ANKS1B: variants seen among roughly 807,000 people sequenced by gnomAD.
ANKS1B encodes ankyrin repeat and sterile alpha motif domain-containing protein 1B.
In ANKS1B, 36 loss-of-function variants were observed where a neutral mutation model predicts 148.3. The observed-to-expected ratio is 0.24, with a 90% CI of 0.19 to 0.32. ANKS1B has a LOEUF of 0.32. Ranked by LOEUF, ANKS1B falls within the 10% of genes least tolerant of loss-of-function variation. The pLI, the probability that ANKS1B is intolerant of heterozygous loss-of-function variation, is 1.00. For missense variants in ANKS1B, 1,157 were observed against 1,542.6 expected (o/e 0.75, Z 4.19); for synonymous variants, 542 against 560.8 (o/e 0.97, Z 0.47).
chr12:99,009,283 G>A (rs1240719875), intron 17 of ANKS1B, among the ~76,000 whole-genome samples: 1 of 151,892 alleles, frequency 6.6e-6, no homozygotes, highest in South Asian at 2.1e-4. Flanking sequence ...TCTTTCACTG[G>A]GGTCTTCAAA....
At chr12:99,578,818 C>T (rs931241174) in intron 9 of ANKS1B, among the ~76,000 whole-genome samples, 3 of 152,018 alleles carry the variant, frequency 2.0e-5, no homozygotes, top group Admixed American at 2.0e-4. Flanking sequence ...AAACTACCAA[C>T]ATCATTTTTC....
chr12:99,331,597 T>C (rs1211428031), intron 12 of ANKS1B, among the ~76,000 whole-genome samples: 2 of 152,048 alleles, frequency 1.3e-5, no homozygotes, highest in Non-Finnish European at 2.9e-5. Flanking sequence ...GAATGAGATC[T>C]GTACTTATCG....
chr12:99,827,444 A>G (rs1416495227), intron 1 of ANKS1B, among the ~76,000 whole-genome samples: 1 of 152,174 alleles, frequency 6.6e-6, no homozygotes. Context: ...TAGGATGAAC[A>G]AGTGTAGAGG....
chr12:98,911,631 A>G (rs1276271617), intron 17 of ANKS1B, among the ~76,000 whole-genome samples: 2 of 152,184 alleles, frequency 1.3e-5, no homozygotes, highest in African/African-American at 4.8e-5. Flanking sequence ...ATAATTCTCC[A>G]TAACGCTTCC....
chr12:99,492,273 T>A (rs1261825486), intron 10 of ANKS1B, among the ~76,000 whole-genome samples: 2 of 152,058 alleles, frequency 1.3e-5, no homozygotes, highest in African/African-American at 4.8e-5. Flanking sequence ...ACTATGAACA[T>A]CTCTATGCAC....
In ANKS1B at chr12:99,825,407, G is replaced by A. The variant is rs1383499376; in HGVS notation, c.135-18C>T. ...GCCAGATGCTGCAAATAAAGCACAAGCGCAGAGTTAACAGTGAAGCCAGAT... is the reference window on the plus strand; with the variant it reads ...GCCAGATGCTGCAAATAAAGCACAAACGCAGAGTTAACAGTGAAGCCAGAT... On this transcript the variant is annotated intron_variant, in intron 1 of 26. Coordinates refer to ENST00000683438, the MANE Select transcript of ANKS1B (RefSeq NM_001352186.2). The A allele has an allele frequency of 1.3e-6, 2 of 1,599,738 alleles. No individual in the cohort carries two copies. The highest frequency in any genetic ancestry group is 2.3e-5 in the East Asian group (1 of 44,430).
At chr12:98,803,900 T>C (rs191798728) in intron 20 of ANKS1B, among the ~76,000 whole-genome samples, 134 of 152,356 alleles carry the variant, frequency 8.8e-4, no homozygotes, top group Admixed American at 1.7e-3. Context: ...ATCCAAATAT[T>C]TACGTCATCC....
chr12:99,109,537 T>C (rs942810280), intron 15 of ANKS1B, among the ~76,000 whole-genome samples: 5 of 152,186 alleles, frequency 3.3e-5, no homozygotes, highest in Admixed American at 6.5e-5. Flanking sequence ...TGAAGAATAA[T>C]TTCTTCACCC....
intron 16 of ANKS1B, among the ~76,000 whole-genome samples, chr12:99,062,770 T>G (rs2153563643): frequency 6.6e-6 from 1 of 152,188 alleles, no homozygotes; most frequent in Admixed American, 6.5e-5. Context: ...GACTCAGGGT[T>G]GAGAAGGGTC....
chr12:99,154,726 C>T lies in ANKS1B; in HGVS notation c.2420-331G>A, dbSNP rs527358640. On this transcript the variant is annotated intron_variant, in intron 14 of 26. Transcript: ENST00000683438. ...CAAGCTGTCAGCTTGGGCTGGTCTGCGTTCTATGTGATTGTTGGAGTACTC... is the reference window on the plus strand; with the variant it reads ...CAAGCTGTCAGCTTGGGCTGGTCTGTGTTCTATGTGATTGTTGGAGTACTC... The T allele has an allele frequency of 1.6e-4, 232 of 1,439,608 alleles. 3 individuals carry two copies. The South Asian group carries it at 3.2e-3, about 20-fold the overall frequency. 89.2% of individuals were successfully genotyped at this position (1,439,608 alleles called of 1,614,324 possible). A position where few individuals can be genotyped will look rare whatever the true frequency, so the allele number is the denominator to read the frequency against.
chr12:99,267,891 A>C (rs1206834215), intron 12 of ANKS1B, among the ~76,000 whole-genome samples: 1 of 152,206 alleles, frequency 6.6e-6, no homozygotes, highest in Non-Finnish European at 1.5e-5. Flanking sequence ...GGCACAAGAA[A>C]ACTGAGTTGT....
At chr12:99,602,930 C>A (rs1187274667) in intron 9 of ANKS1B, among the ~76,000 whole-genome samples, 1 of 152,040 alleles carries the variant, frequency 6.6e-6, no homozygotes, top group African/African-American at 2.4e-5. Flanking sequence ...ATTTTTCTCT[C>A]TATACGCACT....
chr12:99,465,086 C>T (rs956471936), intron 10 of ANKS1B, among the ~76,000 whole-genome samples: 1 of 152,224 alleles, frequency 6.6e-6, no homozygotes, highest in East Asian at 1.9e-4. Flanking sequence ...AGACTAACAG[C>T]TGAACTCTCT....
At chr12:99,248,722 C>T (rs545988402) in intron 12 of ANKS1B, among the ~76,000 whole-genome samples, 3 of 152,180 alleles carry the variant, frequency 2.0e-5, no homozygotes, top group Non-Finnish European at 4.4e-5. Flanking sequence ...ACTTAAGACA[C>T]AGACATTTCC....
Position 99,486,938 on chromosome 12 carries a change from C to T in ANKS1B, c.1438+17538G>A, listed in dbSNP as rs138169834. 2.6e-3 allele frequency among the ~76,000 whole-genome samples: 389 copies of T among 152,216 alleles called. 1 individual carries two copies. The highest frequency in any genetic ancestry group is 9.1e-3 in the African/African-American group (377 of 41,520). ...TCAGAAAGGCTGTCTATTGTTGTACCCATGCTGAGTTCCCATGGGAGAAGC... is the reference window on the plus strand; with the variant it reads ...TCAGAAAGGCTGTCTATTGTTGTACTCATGCTGAGTTCCCATGGGAGAAGC... On this transcript the variant is annotated intron_variant, in intron 10 of 26. Transcript: ENST00000683438.
chr12:99,919,925 TCC>T (rs1422571518), intron 1 of ANKS1B, among the ~76,000 whole-genome samples: 1 of 152,180 alleles, frequency 6.6e-6, no homozygotes, highest in African/African-American at 2.4e-5. Flanking sequence ...TAACTTCATT[TCC>T]CTCTTTTTAC....
chr12:98,936,992 A>T (rs1288151936), intron 17 of ANKS1B, among the ~76,000 whole-genome samples: 1 of 152,090 alleles, frequency 6.6e-6, no homozygotes, highest in Non-Finnish European at 1.5e-5. Flanking sequence ...CCAGTGAGTT[A>T]CTCTGTATCT....
At chr12:99,902,764 T>G (rs1270969599) in intron 1 of ANKS1B, among the ~76,000 whole-genome samples, 1 of 151,774 alleles carries the variant, frequency 6.6e-6, no homozygotes, top group Non-Finnish European at 1.5e-5. Context: ...TTTTTTTTTT[T>G]TTTTGAGACA....
chr12:98,951,578 C>T (rs2099854177), intron 17 of ANKS1B, among the ~76,000 whole-genome samples: 1 of 152,130 alleles, frequency 6.6e-6, no homozygotes, highest in Admixed American at 6.6e-5. Flanking sequence ...CATCTGTGCC[C>T]TTTGCAATCT....
Sources: gnomAD v4.1 joint callset for allele counts (sites outside exome capture counted in the v4.1 genomes callset) on GRCh38, gnomAD v4.1.1 for gene constraint, MANE v1.5 for transcripts, NCBI Gene and HGNC (gene_info 2026-07-23, HGNC 2026-07-21) for gene names.